MGAT5B: variants seen among roughly 807,000 people sequenced by gnomAD.
The protein encoded by MGAT5B is N-acetylglucosaminyl-transferase Vb.
In MGAT5B, 54 loss-of-function variants were observed where a neutral mutation model predicts 95.1. That is an observed-to-expected ratio of 0.57 (90% CI 0.46 to 0.71). The LOEUF (loss-of-function observed/expected upper bound fraction) is 0.71. Among genes scored for constraint, MGAT5B ranks in the 30% least tolerant of loss-of-function variants. The probability of loss-of-function intolerance (pLI) is 0.00; values close to 1 mark genes in which losing one functional copy is unlikely to be tolerated. For synonymous variants in MGAT5B, 464 were observed against 451.0 expected (o/e 1.03, Z -0.36); for missense variants, 935 against 1,088.6 (o/e 0.86, Z 1.99).
chr17:76,928,847 T>C (rs1419655146), intron 10 of MGAT5B, among the ~76,000 whole-genome samples: 1 of 151,454 alleles, frequency 6.6e-6, no homozygotes, highest in Non-Finnish European at 1.5e-5. Flanking sequence ...GGAGGACCAC[T>C]GAAGGTTCTT....
chr17:76,901,840 C>T (rs490997), intron 3 of MGAT5B, among the ~76,000 whole-genome samples: 20,652 of 152,270 alleles, frequency 0.14, 1,839 homozygotes, highest in African/African-American at 0.22. Context: ...ACCTGTGTGA[C>T]CCCTGGACAG....
chr17:76,923,428 G>A (rs1325224210), intron 8 of MGAT5B, among the ~76,000 whole-genome samples: 3 of 152,172 alleles, frequency 2.0e-5, no homozygotes, highest in African/African-American at 4.8e-5. Context: ...GGGCATCCCC[G>A]GGAGATGGGA....
chr17:76,923,618 C>T (rs998771804), intron 8 of MGAT5B, among the ~76,000 whole-genome samples: 6 of 152,298 alleles, frequency 3.9e-5, no homozygotes, highest in Admixed American at 3.3e-4. Flanking sequence ...CTCCTCAGGA[C>T]GCCTCCACCG....
Position 76,950,293 on chromosome 17 carries a change from T to C in MGAT5B, c.*1455T>C, listed in dbSNP as rs908320487. The C allele has an allele frequency of 2.0e-5, 3 of 152,154 alleles. No individual in the cohort carries two copies. Among genetic ancestry groups the C allele is most frequent in the African/African-American group, 7.3e-5 (3 of 41,222 alleles). The allele number at this position is 152,154 out of a possible 1,614,324, so 9.4% of individuals were successfully genotyped here. On this transcript the variant is annotated 3_prime_UTR_variant, in exon 18 of 18. Transcript: ENST00000569840. ...TCATTGGTTCTCAAGGACTAACCTG[T>C]GGGGGAAAGCAATAGAGACACTCTT...
In MGAT5B at chr17:76,924,974, G is replaced by C; in HGVS notation, c.1034G>C (p.Gly345Ala). Reference sequence around the variant, plus strand: ...AAGGGCTCTTCTCTCAGTAACTTAGGGGTACCGCCAGGCCGGGGAAGCTGC... The same window carrying C: ...AAGGGCTCTTCTCTCAGTAACTTAGCGGTACCGCCAGGCCGGGGAAGCTGC... Reference protein sequence around the residue: ...VSLKELQSNLGVPPGRGSCPL... With the variant: ...VSLKELQSNLAVPPGRGSCPL... The change falls in exon 9 of 18, where the codon GGG becomes GCG. Residue 345 changes from glycine to alanine, a missense_variant. By Grantham distance (60) the Gly-to-Ala change is moderately conservative. Coordinates refer to ENST00000569840, the MANE Select transcript of MGAT5B (RefSeq NM_001199172.2). 1 of 1,611,994 alleles carries C rather than the reference G, an allele frequency of 6.2e-7. No individual in the cohort carries two copies. The highest frequency in any genetic ancestry group is 2.2e-5 in the East Asian group (1 of 44,750).
chr17:76,932,341 C>G (rs1042468897), intron 10 of MGAT5B, among the ~76,000 whole-genome samples: 1 of 151,960 alleles, frequency 6.6e-6, no homozygotes, highest in African/African-American at 2.4e-5. Flanking sequence ...ACTATGTTGC[C>G]CAGGGTGGTC....
intron 3 of MGAT5B, among the ~76,000 whole-genome samples, chr17:76,887,412 C>T (rs575541006): frequency 6.6e-6 from 1 of 150,944 alleles, no homozygotes; most frequent in South Asian, 2.1e-4. Context: ...TCCAACTCAG[C>T]AGCCGCTAGG....
At position 76,877,955 on chromosome 17, in the gene MGAT5B, C is replaced by T. The variant is rs145783722; in HGVS notation, c.182-4196C>T. ...GAGAGGATCTATTTGTATCTCCCAG[C>T]GTCCCAGCTTTCCTTATTTATATGG... On this transcript the variant is annotated intron_variant, in intron 2 of 17. Transcript: ENST00000569840. Among the ~76,000 whole-genome samples, 16 of 152,186 alleles carry T rather than the reference C, an allele frequency of 1.1e-4. No homozygotes were observed. In the East Asian group the frequency reaches 1.9e-3, roughly 18 times the overall value.
rs186682262 is a variant in MGAT5B at position 76,873,659 on chromosome 17, C to A, written c.181+696C>A. Among the ~76,000 whole-genome samples the A allele has an allele frequency of 7.6e-3, 1,143 of 150,868 alleles. 15 individuals are homozygous for A. The highest frequency in any genetic ancestry group is 0.026 in the African/African-American group (1,079 of 40,960). The stretch of plus-strand genomic sequence containing the variant: ...GGCACAAGAGTGACCAGCTGGGAGC[C>A]CTCCTCCTGAAGCTGGGCCCAGCCC... On this transcript the variant is annotated intron_variant, in intron 2 of 17. Transcript: ENST00000569840.
At chr17:76,929,902 C>T (rs534151159) in intron 10 of MGAT5B, among the ~76,000 whole-genome samples, 121 of 152,310 alleles carry the variant, frequency 7.9e-4, no homozygotes, top group African/African-American at 2.8e-3. Context: ...AAATCTGCCT[C>T]TTCTGGTGGA....
chr17:76,908,275 C>CTTTTTT (rs5822149), intron 8 of MGAT5B, among the ~76,000 whole-genome samples: 1 of 103,070 alleles, frequency 9.7e-6, no homozygotes, highest in Non-Finnish European at 1.9e-5. Context: ...TTTCTTTCTT[C>CTTTTTT]TTTTTTTTTT....
At chr17:76,946,919 C>T (rs1039446335) in intron 16 of MGAT5B, among the ~76,000 whole-genome samples, 22 of 152,352 alleles carry the variant, frequency 1.4e-4, no homozygotes, top group South Asian at 4.1e-4. Context: ...CCTCAGCCCC[C>T]GAGGGAGCGC....
intron 15 of MGAT5B, among the ~76,000 whole-genome samples, chr17:76,945,346 A>G (rs1000578958): frequency 3.3e-5 from 5 of 152,070 alleles, no homozygotes; most frequent in East Asian, 1.9e-4. Context: ...CTGGAGTGCA[A>G]TGGTGCAGTC....
chr17:76,882,366 G>T, intron 3 of MGAT5B, 68 bp downstream of exon 3: 1 of 1,515,686 alleles, frequency 6.6e-7, no homozygotes. Context: ...CATCCGGGGT[G>T]CTGTCCGTCA....
rs142815611 is a variant in MGAT5B at position 76,930,587 on chromosome 17, G to A, written c.1292-2058G>A. On this transcript the variant is annotated intron_variant, in intron 10 of 17. Coordinates refer to ENST00000569840, the MANE Select transcript of MGAT5B (RefSeq NM_001199172.2). The surrounding 1 kb of genome is among the most constrained non-coding windows in gnomAD (Gnocchi z 4.1). ...GCAGGGCTCGTGTGCCTGCAGATTC[G>A]TAGGTCTCATGTTCCTCTTAACCCC... Among the ~76,000 whole-genome samples, 690 of 152,260 alleles carry A rather than the reference G, an allele frequency of 4.5e-3. 4 individuals carry two copies. The highest frequency in any genetic ancestry group is 0.02 in the Middle Eastern group (6 of 294).
At chr17:76,910,694 C>G (rs1448112822) in intron 8 of MGAT5B, among the ~76,000 whole-genome samples, 1 of 152,270 alleles carries the variant, frequency 6.6e-6, no homozygotes, top group Non-Finnish European at 1.5e-5. Flanking sequence ...AAGCAAGGCT[C>G]CACTTCCTCT....
chr17:76,949,084 G>A lies in MGAT5B; in HGVS notation c.*246G>A. The A allele has an allele frequency of 3.5e-6, 2 of 569,552 alleles. No individual in the cohort carries two copies. The highest frequency in any genetic ancestry group is 6.3e-6 in the Non-Finnish European group (2 of 319,518). 35.3% of individuals were successfully genotyped at this position (569,552 alleles called of 1,614,324 possible). A position where few individuals can be genotyped will look rare whatever the true frequency, so the allele number is the denominator to read the frequency against. On this transcript the variant is annotated 3_prime_UTR_variant, in exon 18 of 18. Transcript: ENST00000569840. ...TCCTGGGGACTCACAGAAGCATCGTGGCCAAGCAGGTGTCGGACTGCTCAG... is the reference window on the plus strand; with the variant it reads ...TCCTGGGGACTCACAGAAGCATCGTAGCCAAGCAGGTGTCGGACTGCTCAG...
chr17:76,888,912 G>A, intron 3 of MGAT5B, among the ~76,000 whole-genome samples: 1 of 152,234 alleles, frequency 6.6e-6, no homozygotes, highest in Non-Finnish European at 1.5e-5. Context: ...AGAGCATCTG[G>A]GTCCGGCCTG....
At chr17:76,908,527 A>G (rs903065272) in intron 8 of MGAT5B, among the ~76,000 whole-genome samples, 11 of 151,784 alleles carry the variant, frequency 7.2e-5, no homozygotes, top group Middle Eastern at 6.8e-3. Flanking sequence ...TCAGCCTCCC[A>G]AAGTGCTGGG....
Sources: gnomAD v4.1 joint callset for allele counts (sites outside exome capture counted in the v4.1 genomes callset) on GRCh38, gnomAD v4.1.1 for gene constraint, Gnocchi (gnomAD v3.1) non-coding constraint, MANE v1.5 for transcripts, NCBI Gene and HGNC (gene_info 2026-07-23, HGNC 2026-07-21) for gene names.